The following HP1BP3 variants were observed in gnomAD, a reference collection of about 807,000 sequenced individuals.
HP1BP3 encodes the protein heterochromatin protein 1 binding protein 3.
Under a neutral mutation model 62.5 loss-of-function variants are expected in HP1BP3, and 12 were observed. The ratio of observed to expected loss-of-function variants is 0.19; its 90% CI spans 0.12 to 0.31. HP1BP3 has a LOEUF of 0.31. Ranked by LOEUF, HP1BP3 falls within the 10% of genes least tolerant of loss-of-function variation. HP1BP3 has a pLI of 1.00. For missense variants in HP1BP3, 502 were observed against 651.8 expected (o/e 0.77, Z 2.50); for synonymous variants, 260 against 237.8 (o/e 1.09, Z -0.86).
intron 9 of HP1BP3, among the ~76,000 whole-genome samples, chr1:20,756,329 A>G (rs1045232963): frequency 2.0e-5 from 3 of 152,178 alleles, no homozygotes; most frequent in African/African-American, 7.2e-5. Context: ...ACTGGAACAG[A>G]TACTAGCTGT....
intron 11 of HP1BP3, among the ~76,000 whole-genome samples, chr1:20,746,392 AAT>A (rs2055337554): frequency 6.6e-6 from 1 of 152,148 alleles, no homozygotes; most frequent in Non-Finnish European, 1.5e-5. Flanking sequence ...TGACTTTGGG[AAT>A]TAAATTTAAT....
intron 1 of HP1BP3, among the ~76,000 whole-genome samples, chr1:20,783,356 T>C (rs1324533368): frequency 1.3e-5 from 2 of 151,846 alleles, no homozygotes; most frequent in Admixed American, 1.3e-4. Context: ...CCATCTCTAC[T>C]AAAAACACAA....
chr1:20,770,018 C>A (rs928699441), intron 6 of HP1BP3, among the ~76,000 whole-genome samples: 2 of 152,172 alleles, frequency 1.3e-5, no homozygotes, highest in Non-Finnish European at 2.9e-5. Flanking sequence ...GCAGTTATTT[C>A]ATCACTCTGG....
chr1:20,747,386 T>A (rs1316012173), intron 11 of HP1BP3, among the ~76,000 whole-genome samples, 158 bp downstream of exon 11: 1 of 152,194 alleles, frequency 6.6e-6, no homozygotes, highest in Non-Finnish European at 1.5e-5. Context: ...ACATGCGCAT[T>A]TGGGTATGCG....
intron 7 of HP1BP3, among the ~76,000 whole-genome samples, chr1:20,766,621 TTTTGGGTCTAGTA>T (rs754764851): frequency 1.5e-4 from 23 of 152,136 alleles, no homozygotes; most frequent in Non-Finnish European, 1.3e-4. Flanking sequence ...TGGGTATTGT[TTTTGGGTCTAGTA>T]TTTGGTAAAA....
intron 4 of HP1BP3, chr1:20,776,338 T>C (rs531096989): frequency 4.7e-6 from 2 of 428,538 alleles, no homozygotes; most frequent in South Asian, 1.1e-4. Context: ...CCACAATAAA[T>C]TACAAGCTCA....
intron 3 of HP1BP3, among the ~76,000 whole-genome samples, chr1:20,777,994 T>C (rs2777619): frequency 0.016 from 2,442 of 152,330 alleles, 62 homozygotes; most frequent in African/African-American, 0.054. Flanking sequence ...GTATTTTTCA[T>C]CATGATATAT....
At chr1:20,767,700 T>C (rs750826921) in intron 6 of HP1BP3, 36 bp from the exon 7 acceptor site, 4 of 1,375,208 alleles carry the variant, frequency 2.9e-6, no homozygotes, top group Non-Finnish European at 4.1e-6. Flanking sequence ...CTAGTATTCA[T>C]AACTTTACAG....
At chr1:20,772,393 C>G (rs1261330638) in intron 5 of HP1BP3, among the ~76,000 whole-genome samples, 1 of 152,178 alleles carries the variant, frequency 6.6e-6, no homozygotes, top group Non-Finnish European at 1.5e-5. Flanking sequence ...TATGATGCTG[C>G]TCCTTCAAAC....
At position 20,776,720 on chromosome 1, in the gene HP1BP3, G is replaced by A. The variant is rs2057320471; in HGVS notation, c.227C>T (p.Ser76Phe). Residue 76 changes from serine to phenylalanine, a missense_variant, in exon 4 of 13, where the codon TCC (serine) becomes TTC (phenylalanine). By Grantham distance (155) the Ser-to-Phe change is radical. Around this residue, in one of 5 missense-constraint regions of HP1BP3, gnomAD observed 165 missense variants for 156.4 expected, o/e 1.05. Transcript: ENST00000438032. Reference sequence around the variant, plus strand: ...TTCATTCTCTTGTTCTTCTACAGTGGAGACAGATTCCTCTGAACTTATGTC... The same window carrying A: ...TTCATTCTCTTGTTCTTCTACAGTGAAGACAGATTCCTCTGAACTTATGTC... Reference protein sequence around the residue: ...EPDISSEESVSTVEEQENETP... With the variant: ...EPDISSEESVFTVEEQENETP... 9.9e-6 allele frequency: 16 copies of A among 1,613,394 alleles called. No individual in the cohort carries two copies. Among genetic ancestry groups the A allele is most frequent in the Non-Finnish European group, 1.4e-5 (16 of 1,179,684 alleles).
chr1:20,766,055 G>A (rs992898083), intron 7 of HP1BP3, among the ~76,000 whole-genome samples: 2 of 152,100 alleles, frequency 1.3e-5, no homozygotes, highest in African/African-American at 4.8e-5. Flanking sequence ...ACTTTGGGGG[G>A]CTGAGGTGGG....
intron 3 of HP1BP3, among the ~76,000 whole-genome samples, chr1:20,778,697 A>G (rs1473691451): frequency 1.3e-4 from 20 of 152,206 alleles, no homozygotes; most frequent in Admixed American, 1.3e-3. Context: ...ATTTAGAGAA[A>G]AAATCCAGGC....
At chr1:20,775,951 T>C in intron 4 of HP1BP3, 1 of 1,517,498 alleles carries the variant, frequency 6.6e-7, no homozygotes. Context: ...TTAAAAGCAA[T>C]TTCTAACTGT....
intron 9 of HP1BP3, among the ~76,000 whole-genome samples, chr1:20,752,254 AAAAC>A (rs1024914965): frequency 7.9e-5 from 12 of 152,228 alleles, no homozygotes; most frequent in Admixed American, 5.9e-4. Context: ...TCCATCTCAA[AAAAC>A]AAACAAACAA....
chr1:20,746,996 AGAGT>A (rs1180870755), intron 11 of HP1BP3, among the ~76,000 whole-genome samples: 1 of 152,214 alleles, frequency 6.6e-6, no homozygotes, highest in African/African-American at 2.4e-5. Context: ...CCTGGGCGAT[AGAGT>A]GAGACCCTGT....
rs2055057384 is a variant in HP1BP3, at chr1:20,740,688, T to C, written c.*4109A>G. On this transcript the variant is annotated 3_prime_UTR_variant, in exon 13 of 13. Coordinates refer to ENST00000438032, the MANE Select transcript of HP1BP3 (RefSeq NM_001372052.1). ...ATAAATTAGCCAGGCATTTATTAGC[T>C]TGCCTGTAGTCCTGGCTACTTGGGA... Among the ~76,000 whole-genome samples the C allele has an allele frequency of 6.6e-6, 1 of 152,114 alleles. No homozygotes were observed. The highest frequency in any genetic ancestry group is 1.5e-5 in the Non-Finnish European group (1 of 68,012).
chr1:20,760,999 A>AT (rs1439140290), intron 8 of HP1BP3, among the ~76,000 whole-genome samples: 2 of 152,164 alleles, frequency 1.3e-5, no homozygotes, highest in African/African-American at 2.4e-5. Context: ...CTGGAAGAGA[A>AT]TGGTAGTGCA....
chr1:20,757,769 C>G (rs928918169), intron 8 of HP1BP3, among the ~76,000 whole-genome samples: 3 of 152,242 alleles, frequency 2.0e-5, no homozygotes, highest in African/African-American at 7.2e-5. Context: ...TCTCTATATA[C>G]CCAATATGCC....
At chr1:20,757,373 T>TTA (rs1491109250) in intron 8 of HP1BP3, 117 bp from the exon 9 acceptor site, 1,387 of 279,650 alleles carry the variant, frequency 5.0e-3, no homozygotes, top group East Asian at 0.02. Flanking sequence ...ATTATTATTA[T>TTA]TTTTTTTTTT....
Sources: gnomAD v4.1 joint callset for allele counts (sites outside exome capture counted in the v4.1 genomes callset) on GRCh38, gnomAD v4.1.1 for gene constraint, gnomAD v4.1.1 regional missense constraint, MANE v1.5 for transcripts, NCBI Gene and HGNC (gene_info 2026-07-23, HGNC 2026-07-21) for gene names.